The following CDC23 variants were observed in gnomAD, a reference collection of about 807,000 sequenced individuals.
CDC23 encodes cell division cycle protein 23 homolog.
Under a neutral mutation model 81.7 loss-of-function variants are expected in CDC23, and 26 were observed. The ratio of observed to expected loss-of-function variants is 0.32; its 90% CI spans 0.23 to 0.44. The LOEUF is 0.44. CDC23 is among the 20% of genes least tolerant of loss of function. The pLI, the probability that CDC23 is intolerant of heterozygous loss-of-function variation, is 1.00. For missense variants in CDC23, 519 were observed against 728.0 expected (o/e 0.71, Z 3.30); for synonymous variants, 267 against 270.8 (o/e 0.99, Z 0.14).
intron 2 of CDC23, among the ~76,000 whole-genome samples, chr5:138,210,274 C>T (rs564282946): frequency 6.6e-6 from 1 of 151,686 alleles, no homozygotes; most frequent in South Asian, 2.1e-4. Context: ...ACCTGTAACC[C>T]CAGCACCCTG....
rs1377519207 is a variant in CDC23, at chr5:138,207,184, TTTTC to T, written c.235-504_235-501del. Among the ~76,000 whole-genome samples the T allele has an allele frequency of 7.9e-5, 12 of 152,202 alleles. No homozygotes were observed. In the East Asian group the frequency reaches 1.7e-3, roughly 22 times the overall value. On this transcript the variant is annotated intron_variant, in intron 2 of 15. Coordinates refer to ENST00000394886, the MANE Select transcript of CDC23 (RefSeq NM_004661.4). The stretch of plus-strand genomic sequence containing the variant: ...TATGAGCGACCGCACCCGGCCAAGT[TTTTC>T]TTTCTAATTTTTTCAAAATAAAAAA...
At chr5:138,196,927 G>T (rs1754919637) in intron 9 of CDC23, among the ~76,000 whole-genome samples, 1 of 135,940 alleles carries the variant, frequency 7.4e-6, no homozygotes, top group Non-Finnish European at 1.5e-5. Flanking sequence ...TAGAGACAGG[G>T]TCTCACTGTC....
At chr5:138,196,709 T>C (rs1754912132) in intron 9 of CDC23, among the ~76,000 whole-genome samples, 1 of 151,412 alleles carries the variant, frequency 6.6e-6, no homozygotes, top group Non-Finnish European at 1.5e-5. Flanking sequence ...GCCTCCCGAG[T>C]AGCTTGGACT....
chr5:138,192,493 T>C lies in CDC23; in HGVS notation c.1166+11A>G, dbSNP rs771968777. 42 of 1,613,718 alleles carry C rather than the reference T, an allele frequency of 2.6e-5. No individual in the cohort carries two copies. Among genetic ancestry groups the C allele is most frequent in the Non-Finnish European group, 3.2e-5 (38 of 1,179,874 alleles). ...GCAATCTGCTCTACCTCACCACCTA[T>C]AGATAATCACCTATAAGCCTGGATA... On this transcript the variant is annotated intron_variant, in intron 10 of 15. Transcript: ENST00000394886.
chr5:138,196,295 AT>A (rs771448189), intron 9 of CDC23, among the ~76,000 whole-genome samples: 306 of 143,568 alleles, frequency 2.1e-3, no homozygotes, highest in Middle Eastern at 7.1e-3. Flanking sequence ...ATATATATTG[AT>A]TTTTTTTTTT....
chr5:138,201,128 G>C lies in CDC23; in HGVS notation c.633C>G (p.Asn211Lys), dbSNP rs1249437918. 1 of 1,613,944 alleles carries C rather than the reference G, an allele frequency of 6.2e-7. No homozygotes were observed. The part of the protein sequence containing the change: ...LHWGAWLELC[N>K]LITDKEMLKF... ...TTACCATCTCTTTGTCTGTGATCAG[G>C]TTACAGAGTTCTAACCAGGCTCCCC... The change falls in exon 6 of 16, where the codon AAC (asparagine) becomes AAG (lysine). Residue 211 changes from asparagine to lysine, a missense_variant. Coordinates refer to ENST00000394886, the MANE Select transcript of CDC23 (RefSeq NM_004661.4).
chr5:138,191,884 T>C lies in CDC23; in HGVS notation c.1340A>G (p.Asn447Ser), dbSNP rs1051570858. The change falls in exon 12 of 16, where the codon AAT (asparagine) becomes AGT (serine). Residue 447 changes from asparagine to serine, a missense_variant. Asn to Ser is a conservative substitution (Grantham distance 46). Coordinates refer to ENST00000394886, the MANE Select transcript of CDC23 (RefSeq NM_004661.4). ...TACCTTTTTGGCTTCCACTAGTTGA[T>C]TGAGTTTCTCGTAACATTCTCCTAA... ...VALGECYEKL[N>S]QLVEAKKCYW... 7 of 1,614,120 alleles carry C rather than the reference T, an allele frequency of 4.3e-6. No individual in the cohort carries two copies. Among genetic ancestry groups the C allele is most frequent in the Middle Eastern group, 3.3e-4 (2 of 6,062 alleles).
rs368352049 is a variant in CDC23, at chr5:138,198,673, A to G, written c.764T>C (p.Ile255Thr). 72 of 1,614,056 alleles carry G rather than the reference A, an allele frequency of 4.5e-5. No homozygotes were observed. Among genetic ancestry groups the G allele is most frequent in the Non-Finnish European group, 5.8e-5 (69 of 1,180,022 alleles). Residue 255 changes from isoleucine to threonine, a missense_variant, in exon 7 of 16, where the codon ATT becomes ACT. By Grantham distance (89) the Ile-to-Thr change is moderately conservative. This residue lies in a region of CDC23 where 180 missense variants were observed against 239.3 expected (regional missense o/e 0.75). Transcript: ENST00000394886. Reference sequence around the variant, plus strand: ...CGAGCTCTTAGAGAAGCCCACATCAATGAGATTCTGATACTTTTGCAGGGC... The same window carrying G: ...CGAGCTCTTAGAGAAGCCCACATCAGTGAGATTCTGATACTTTTGCAGGGC... ...EEALQKYQNL[I>T]DVGFSKSSYI...
intron 3 of CDC23, 67 bp downstream of exon 3, chr5:138,206,480 C>CT (rs769531387): frequency 1.9e-4 from 294 of 1,566,392 alleles, no homozygotes; most frequent in Non-Finnish European, 2.4e-4. Context: ...AAAGATTTAA[C>CT]TTTTCCATTG....
intron 3 of CDC23, among the ~76,000 whole-genome samples, chr5:138,204,781 A>G (rs899655093): frequency 4.6e-5 from 7 of 151,600 alleles, no homozygotes; most frequent in Non-Finnish European, 1.5e-5. Context: ...CACTGCGCCC[A>G]GCTAATTTTT....
chr5:138,197,495 A>T (rs1000811377), intron 9 of CDC23, among the ~76,000 whole-genome samples: 39 of 142,498 alleles, frequency 2.7e-4, no homozygotes, highest in African/African-American at 7.4e-4. Context: ...ATACATATTT[A>T]TTTTTTTTTT....
At chr5:138,206,339 C>T in intron 3 of CDC23, 1 of 608,062 alleles carries the variant, frequency 1.6e-6, no homozygotes, top group Non-Finnish European at 2.9e-6. Flanking sequence ...CAGGTTGTTA[C>T]TTATCCTGTT....
chr5:138,199,727 C>G (rs891853478), intron 6 of CDC23, among the ~76,000 whole-genome samples: 1 of 152,202 alleles, frequency 6.6e-6, no homozygotes, highest in Non-Finnish European at 1.5e-5. Flanking sequence ...AAAAGTCTAT[C>G]AAGTTGGGAG....
At chr5:138,202,441 G>T (rs760059839) in intron 3 of CDC23, among the ~76,000 whole-genome samples, 1 of 152,094 alleles carries the variant, frequency 6.6e-6, no homozygotes, top group Non-Finnish European at 1.5e-5. Flanking sequence ...CCGCCACCAC[G>T]CCTGGCTAAT....
At chr5:138,197,115 T>C (rs1399777721) in intron 9 of CDC23, among the ~76,000 whole-genome samples, 5 of 149,554 alleles carry the variant, frequency 3.3e-5, no homozygotes, top group African/African-American at 1.2e-4. Flanking sequence ...AAAAGAATCG[T>C]TGTAGTAGTA....
chr5:138,198,294 A>C lies in CDC23; in HGVS notation c.931-14T>G. On this transcript the variant is annotated splice_polypyrimidine_tract_variant and intron_variant, in intron 8 of 15. Transcript: ENST00000394886. ...CGATTTCATGCTCTGGGATAAAAGA[A>C]AAAGACAATATAAGCATGAAAAAAG... The C allele has an allele frequency of 3.1e-6, 5 of 1,608,836 alleles. No individual in the cohort carries two copies. The highest frequency in any genetic ancestry group is 4.3e-6 in the Non-Finnish European group (5 of 1,175,506).
chr5:138,203,894 C>A (rs886254491), intron 3 of CDC23, among the ~76,000 whole-genome samples: 3 of 151,662 alleles, frequency 2.0e-5, no homozygotes, highest in African/African-American at 7.3e-5. Flanking sequence ...GCCTGGGTGA[C>A]AGAGCTAGAC....
chr5:138,208,364 G>A (rs1327413169), intron 2 of CDC23, among the ~76,000 whole-genome samples: 1 of 152,178 alleles, frequency 6.6e-6, no homozygotes, highest in Non-Finnish European at 1.5e-5. Context: ...CATATTCAGT[G>A]CTTTCTTCAT....
Position 138,191,540 on chromosome 5 carries a change from C to CA in CDC23, c.1363-6dup. ...GGCGTAAGCTCTCCAATAACACTGT[C>CA]AAAAAAATAAACTGGTCATTTTGAC... On this transcript the variant is annotated splice_polypyrimidine_tract_variant and splice_region_variant and intron_variant, in intron 12 of 15. Coordinates refer to ENST00000394886, the MANE Select transcript of CDC23 (RefSeq NM_004661.4). The CA allele has an allele frequency of 6.2e-7, 1 of 1,613,694 alleles. No individual in the cohort carries two copies. Among genetic ancestry groups the CA allele is most frequent in the Non-Finnish European group, 8.5e-7 (1 of 1,179,638 alleles).
Sources: allele counts gnomAD v4.1 joint callset (sites outside exome capture counted in the v4.1 genomes callset), GRCh38; gene constraint gnomAD v4.1.1; regional missense constraint gnomAD v4.1.1; transcripts MANE v1.5; gene names NCBI Gene and HGNC (gene_info 2026-07-23, HGNC 2026-07-21).